PFKFB4: variants seen among roughly 807,000 people sequenced by gnomAD.
The protein encoded by PFKFB4 is 6-phosphofructo-2-kinase/fructose-2,6-bisphosphatase 4.
In PFKFB4, 42 loss-of-function variants were observed where a neutral mutation model predicts 62.8. That is an observed-to-expected ratio of 0.67 (90% confidence interval 0.52 to 0.86). The LOEUF (loss-of-function observed/expected upper bound fraction) is 0.86. Among genes scored for constraint, PFKFB4 ranks in the 40% least tolerant of loss-of-function variants. The pLI is 0.00. For synonymous variants in PFKFB4, 204 were observed against 240.7 expected (o/e 0.85, Z 1.41); for missense variants, 475 against 627.2 (o/e 0.76, Z 2.59).
chr3:48,525,742 C>T, intron 9 of PFKFB4, 73 bp from the exon 10 acceptor site: 1 of 698,546 alleles, frequency 1.4e-6, no homozygotes, highest in Non-Finnish European at 2.3e-6. Context: ...TGGGGTGAGG[C>T]AGCATCAAGC....
intron 9 of PFKFB4, among the ~76,000 whole-genome samples, chr3:48,533,671 G>A (rs1403356240): frequency 3.9e-5 from 6 of 152,088 alleles, no homozygotes; most frequent in South Asian, 4.1e-4. Context: ...CCTGGCCAAC[G>A]TGGTGAAACC....
intron 12 of PFKFB4, among the ~76,000 whole-genome samples, 184 bp downstream of exon 12, chr3:48,523,353 C>T (rs1301232257): frequency 3.9e-5 from 6 of 152,186 alleles, no homozygotes; most frequent in Non-Finnish European, 7.3e-5. Context: ...CATTGCACTC[C>T]AGCCTGGGTG....
At chr3:48,547,475 T>C (rs2043000877) in intron 3 of PFKFB4, among the ~76,000 whole-genome samples, 1 of 152,086 alleles carries the variant, frequency 6.6e-6, no homozygotes. Context: ...CTTATGCCCT[T>C]GCATACACTT....
At chr3:48,530,134 T>C (rs2042386827) in intron 9 of PFKFB4, among the ~76,000 whole-genome samples, 1 of 151,988 alleles carries the variant, frequency 6.6e-6, no homozygotes, top group South Asian at 2.1e-4. Context: ...ACAACTGTAG[T>C]CCCAGCTACT....
chr3:48,522,829 C>A (rs2042139025), intron 12 of PFKFB4, among the ~76,000 whole-genome samples: 2 of 151,252 alleles, frequency 1.3e-5, no homozygotes, highest in Admixed American at 6.6e-5. Flanking sequence ...GGTGCGATCT[C>A]GGCTCACTGC....
chr3:48,551,519 CTTTTTTTTTTTTTTTTT>C lies in PFKFB4; in HGVS notation c.98-1302_98-1286del, dbSNP rs71074260. ...GGTGTGAGCCATCACCTCCAGCCTTCTTTTTTTTTTTTTTTTTTTTTTTTTTTTTTTTTGAGAGGGAG... is the reference window on the plus strand; with the variant it reads ...GGTGTGAGCCATCACCTCCAGCCTTCTTTTTTTTTTTTTTTTGAGAGGGAG... On this transcript the variant is annotated intron_variant, in intron 1 of 13. Transcript: ENST00000232375. Among the ~76,000 whole-genome samples the C allele has an allele frequency of 3.4e-4, 10 of 29,120 alleles. 1 individual carries two copies. In the South Asian group the frequency reaches 5.2e-3, roughly 15 times the overall value. The allele number at this position is 29,120 out of a possible 152,430, so 19.1% of individuals were successfully genotyped here.
At chr3:48,543,832 T>C (rs2042876208) in intron 3 of PFKFB4, among the ~76,000 whole-genome samples, 186 bp from the exon 4 acceptor site, 2 of 152,306 alleles carry the variant, frequency 1.3e-5, no homozygotes, top group African/African-American at 4.8e-5. Flanking sequence ...TCTGCTCCTG[T>C]GAGGTGGAAG....
At position 48,549,959 on chromosome 3, in the gene PFKFB4, C is replaced by T; in HGVS notation, c.216G>A (p.Glu72=). ...CCCGGCGATACTGGCCAACATTGAA[C>T]TCTGGAGGGAAGGAGAGGCTCAGCT... ...YLNWIGVPTR[E]FNVGQYRRDV... Residue 72 remains glutamate, a splice_region_variant and synonymous_variant, in exon 3 of 14, where the codon GAG becomes GAA. Transcript: ENST00000232375. 6.2e-7 allele frequency: 1 copy of T among 1,610,980 alleles called. No homozygotes were observed. The highest frequency in any genetic ancestry group is 8.5e-7 in the Non-Finnish European group (1 of 1,177,162).
chr3:48,556,973 C>T (rs1298651523), upstream of PFKFB4: 5 of 1,390,554 alleles, frequency 3.6e-6, no homozygotes, highest in South Asian at 1.6e-5. The surrounding 1 kb of genome is among the most constrained non-coding windows in gnomAD (Gnocchi z 5.7). Context: ...ACCACGCATG[C>T]CCAACTCACC....
At chr3:48,520,878 T>C (rs1303360162) in intron 13 of PFKFB4, among the ~76,000 whole-genome samples, 1 of 152,134 alleles carries the variant, frequency 6.6e-6, no homozygotes, top group Non-Finnish European at 1.5e-5. Context: ...CCCAGGGGCC[T>C]CTCTTACCAT....
chr3:48,531,434 T>A (rs1018331400), intron 9 of PFKFB4, among the ~76,000 whole-genome samples: 15 of 109,778 alleles, frequency 1.4e-4, no homozygotes, highest in East Asian at 4.5e-4. Flanking sequence ...GAAGCAGAAA[T>A]TTTTTTTTTT....
At chr3:48,562,219 T>C (rs1402944255), upstream of PFKFB4, 1 of 153,738 alleles carries the variant, frequency 6.5e-6, no homozygotes, top group Non-Finnish European at 1.4e-5. This position sits in a 1 kb window ranked among gnomAD's most constrained non-coding sequence, Gnocchi z 4.3. Flanking sequence ...GCCCCGTCCA[T>C]CTGGGGCAGG....
chr3:48,527,419 T>C (rs925143838), intron 9 of PFKFB4, among the ~76,000 whole-genome samples: 1 of 151,864 alleles, frequency 6.6e-6, no homozygotes, highest in African/African-American at 2.4e-5. Flanking sequence ...TAGCTGGGAC[T>C]ACAGGTGTGC....
At chr3:48,548,052 G>C (rs371843295) in intron 3 of PFKFB4, 2 of 152,328 alleles carry the variant, frequency 1.3e-5, no homozygotes, top group South Asian at 2.1e-4. Context: ...CCTGTCCCCA[G>C]CTTCTGTTGC....
chr3:48,523,890 T>C lies in PFKFB4; in HGVS notation c.1093-60A>G, dbSNP rs878957725. 33 of 1,545,578 alleles carry C rather than the reference T, an allele frequency of 2.1e-5. No individual in the cohort carries two copies. In the Middle Eastern group the frequency reaches 2.1e-3, roughly 98 times the overall value. ...TGGCTCCGGGGGAGGGACAGACACA[T>C]CCTGGACACTGGGCCACCTTCCACT... On this transcript the variant is annotated intron_variant, in intron 10 of 13. Transcript: ENST00000232375.
intron 1 of PFKFB4, among the ~76,000 whole-genome samples, chr3:48,554,680 C>A (rs978005025): frequency 3.3e-5 from 5 of 152,178 alleles, no homozygotes; most frequent in African/African-American, 1.2e-4. Flanking sequence ...CTGACTCAGA[C>A]GTAGTGAGAA....
chr3:48,530,705 G>C (rs13069677), intron 9 of PFKFB4, among the ~76,000 whole-genome samples: 24,372 of 150,974 alleles, frequency 0.16, 3,479 homozygotes, highest in African/African-American at 0.39. Flanking sequence ...GTTTTGTTTT[G>C]TTTTCTTTTC....
Position 48,523,601 on chromosome 3 carries a change from T to A in PFKFB4, c.1223-2A>T. Reference sequence around the variant, plus strand: ...GACACTTGAGGTAGGGCAGCTGTTCTGTAGACACAGAGGGGGATGGCTAGC... The same window carrying A: ...GACACTTGAGGTAGGGCAGCTGTTCAGTAGACACAGAGGGGGATGGCTAGC... On this transcript the variant is annotated splice_acceptor_variant, in intron 11 of 13. Coordinates refer to ENST00000232375, the MANE Select transcript of PFKFB4 (RefSeq NM_004567.4). LOFTEE classifies it high-confidence loss of function. 1 of 1,614,182 alleles carries A rather than the reference T, an allele frequency of 6.2e-7. No homozygotes were observed. The highest frequency in any genetic ancestry group is 1.7e-5 in the Admixed American group (1 of 60,024).
chr3:48,535,797 G>A (rs867064614), intron 8 of PFKFB4, 139 bp from the exon 9 acceptor site: 28 of 968,924 alleles, frequency 2.9e-5, no homozygotes, highest in Middle Eastern at 2.9e-4. Flanking sequence ...CTAACTTGTC[G>A]ATGACACACA....
Sources: allele counts gnomAD v4.1 joint callset (sites outside exome capture counted in the v4.1 genomes callset), GRCh38; gene constraint gnomAD v4.1.1; non-coding constraint Gnocchi (gnomAD v3.1); transcripts MANE v1.5; gene names NCBI Gene and HGNC (gene_info 2026-07-23, HGNC 2026-07-21).